The following PIGL variants were observed in gnomAD, a reference collection of about 807,000 sequenced individuals.
The protein encoded by PIGL is N-acetylglucosaminyl-phosphatidylinositol de-N-acetylase.
Under a neutral mutation model 31.1 loss-of-function variants are expected in PIGL, and 22 were observed. That is an observed-to-expected ratio of 0.71 (90% confidence interval 0.51 to 1.01). The LOEUF is 1.01. Ranked by LOEUF, PIGL falls within the 50% of genes least tolerant of loss-of-function variation. PIGL has a pLI of 0.00. For synonymous variants in PIGL, 131 were observed against 117.4 expected, an observed-to-expected ratio of 1.12 and a Z score of -0.75; for missense variants, 302 against 315.9, an observed-to-expected ratio of 0.96 and a Z score of 0.33.
At chr17:16,242,644 C>CA (rs2092727693) in intron 2 of PIGL, among the ~76,000 whole-genome samples, 1 of 79,044 alleles carries the variant, frequency 1.3e-5, no homozygotes. Context: ...TTTCTGATTC[C>CA]TTTTTTTTTT....
intron 2 of PIGL, chr17:16,279,902 G>C (rs1255935859): frequency 6.6e-6 from 1 of 152,226 alleles, no homozygotes; most frequent in African/African-American, 2.4e-5. Context: ...ACCTTGTTTG[G>C]AGCTAGATGA....
chr17:16,299,358 G>A (rs2092995099), intron 2 of PIGL, among the ~76,000 whole-genome samples: 1 of 151,598 alleles, frequency 6.6e-6, no homozygotes, highest in African/African-American at 2.4e-5. Flanking sequence ...AGGAGGCTGA[G>A]GCAGGAACCC....
intron 2 of PIGL, among the ~76,000 whole-genome samples, chr17:16,280,700 T>G (rs1289472521): frequency 6.6e-6 from 1 of 152,076 alleles, no homozygotes; most frequent in South Asian, 2.1e-4. Context: ...CTCAGTGTTT[T>G]TTTTGTTTTG....
intron 1 of PIGL, chr17:16,218,179 A>G (rs1387632843): frequency 1.3e-5 from 2 of 152,230 alleles, no homozygotes; most frequent in Non-Finnish European, 2.9e-5. Context: ...TGGCATGTCA[A>G]AGTATACCTC....
At chr17:16,286,611 G>A (rs80118459) in intron 2 of PIGL, among the ~76,000 whole-genome samples, 1,655 of 152,246 alleles carry the variant, frequency 0.011, 40 homozygotes, top group African/African-American at 0.037. Context: ...AAGGTCTAGG[G>A]CGGGACTTCG....
chr17:16,223,495 T>A (rs1478505789), intron 1 of PIGL, among the ~76,000 whole-genome samples: 3 of 152,044 alleles, frequency 2.0e-5, no homozygotes, highest in Non-Finnish European at 4.4e-5. Flanking sequence ...AAGAATTGCT[T>A]GAACCCAGGA....
At chr17:16,275,631 A>T (rs1322689999) in intron 2 of PIGL, among the ~76,000 whole-genome samples, 1 of 152,134 alleles carries the variant, frequency 6.6e-6, no homozygotes, top group East Asian at 1.9e-4. Flanking sequence ...AGGGATGAAG[A>T]TCCATCTTCT....
chr17:16,219,413 T>A (rs2092615817), intron 1 of PIGL, among the ~76,000 whole-genome samples: 2 of 152,124 alleles, frequency 1.3e-5, no homozygotes, highest in African/African-American at 4.8e-5. Flanking sequence ...AAAACCTTTG[T>A]TACCAGTAAA....
intron 2 of PIGL, among the ~76,000 whole-genome samples, chr17:16,297,376 G>A (rs73978834): frequency 0.016 from 2,484 of 152,264 alleles, 67 homozygotes; most frequent in African/African-American, 0.057. Context: ...CCTCTTTGAG[G>A]TTTATCTTTC....
At chr17:16,227,098 C>T (rs927543689) in intron 1 of PIGL, among the ~76,000 whole-genome samples, 2 of 151,598 alleles carry the variant, frequency 1.3e-5, no homozygotes, top group Non-Finnish European at 2.9e-5. Context: ...TTTAATACTG[C>T]TTTTTTGGGT....
intron 2 of PIGL, among the ~76,000 whole-genome samples, chr17:16,247,989 G>T (rs1014964264): frequency 1.3e-5 from 2 of 152,084 alleles, no homozygotes; most frequent in Non-Finnish European, 2.9e-5. Context: ...CTGGGTTCAA[G>T]CGATTCTCCT....
At chr17:16,310,473 G>A (rs1160549817) in intron 3 of PIGL, among the ~76,000 whole-genome samples, 2 of 152,144 alleles carry the variant, frequency 1.3e-5, no homozygotes, top group Non-Finnish European at 2.9e-5. Flanking sequence ...GACCCCAGGA[G>A]AAAGAATAAC....
At chr17:16,313,472 A>G in intron 3 of PIGL, 75 bp from the exon 4 acceptor site, 1 of 1,056,952 alleles carries the variant, frequency 9.5e-7, no homozygotes, top group South Asian at 1.2e-5. Context: ...TCTCCTTCCC[A>G]AGGGAAGGAG....
At chr17:16,244,258 G>GA (rs2092735129) in intron 2 of PIGL, among the ~76,000 whole-genome samples, 1 of 152,188 alleles carries the variant, frequency 6.6e-6, no homozygotes, top group African/African-American at 2.4e-5. Flanking sequence ...TCTGCTTTGG[G>GA]AAAGGGCTGT....
At chr17:16,230,125 T>C (rs1300610578) in intron 1 of PIGL, among the ~76,000 whole-genome samples, 1 of 152,108 alleles carries the variant, frequency 6.6e-6, no homozygotes, top group Non-Finnish European at 1.5e-5. Context: ...CCTCTCAAAG[T>C]GCTGGGATTA....
At chr17:16,247,762 GA>G (rs2092754886) in intron 2 of PIGL, among the ~76,000 whole-genome samples, 1 of 152,144 alleles carries the variant, frequency 6.6e-6, no homozygotes. Flanking sequence ...CGTCCCACCC[GA>G]TTTTTTCTTT....
rs150164941 is a variant in PIGL at position 16,321,094 on chromosome 17, C to T, written c.660+3186C>T. Among the ~76,000 whole-genome samples the T allele has an allele frequency of 5.3e-3, 799 of 151,988 alleles. 10 individuals are homozygous for T. The highest frequency in any genetic ancestry group is 0.018 in the African/African-American group (736 of 41,466). ...CTGGGACTACAGGCGCATGCCACCA[C>T]GCCTAGCTAATTTTTGTATTTTTAG... On this transcript the variant is annotated intron_variant, in intron 6 of 6. Coordinates refer to ENST00000225609, the MANE Select transcript of PIGL (RefSeq NM_004278.4).
At chr17:16,236,855 C>T (rs1351571506) in intron 2 of PIGL, among the ~76,000 whole-genome samples, 1 of 152,144 alleles carries the variant, frequency 6.6e-6, no homozygotes, top group South Asian at 2.1e-4. Flanking sequence ...AGGCATGAGC[C>T]ACCACGCCTG....
chr17:16,235,506 G>C (rs1399521959), intron 2 of PIGL, among the ~76,000 whole-genome samples: 2 of 145,288 alleles, frequency 1.4e-5, no homozygotes, highest in African/African-American at 5.2e-5. Flanking sequence ...GAGTGCAGTG[G>C]TGCCATCTCG....
Sources: gnomAD v4.1 joint callset for allele counts (sites outside exome capture counted in the v4.1 genomes callset) on GRCh38, gnomAD v4.1.1 for gene constraint, MANE v1.5 for transcripts, NCBI Gene and HGNC (gene_info 2026-07-23, HGNC 2026-07-21) for gene names.